RGS6: variants seen among roughly 807,000 people sequenced by gnomAD.
The protein encoded by RGS6 is regulator of G-protein signaling 6.
Under a neutral mutation model 78.5 loss-of-function variants are expected in RGS6, and 30 were observed. The observed-to-expected ratio is 0.38, with a 90% CI of 0.29 to 0.52. The LOEUF (loss-of-function observed/expected upper bound fraction) is 0.52. RGS6 is among the 20% of genes least tolerant of loss of function. The probability of loss-of-function intolerance (pLI) is 0.85; values close to 1 mark genes in which losing one functional copy is unlikely to be tolerated. For missense variants in RGS6, 495 were observed against 609.7 expected, an observed-to-expected ratio of 0.81 and a Z score of 1.98; for synonymous variants, 206 against 206.0, an observed-to-expected ratio of 1.00 and a Z score of 0.00.
the RGS6 span, among the ~76,000 whole-genome samples, chr14:72,578,254 T>A: frequency 2.0e-5 from 3 of 152,172 alleles, no homozygotes; most frequent in South Asian, 6.2e-4. Context: ...CATGTTCACA[T>A]CCTCCTCCTT....
At chr14:72,249,962 ACAT>A (rs2055217176) in intron 2 of RGS6, among the ~76,000 whole-genome samples, 1 of 151,776 alleles carries the variant, frequency 6.6e-6, no homozygotes, top group East Asian at 1.9e-4. Flanking sequence ...AAATTGGAAA[ACAT>A]CATTCTCAGT....
chr14:72,516,145 T>C (rs1598581043), intron 14 of RGS6, among the ~76,000 whole-genome samples: 1 of 152,220 alleles, frequency 6.6e-6, no homozygotes, highest in Non-Finnish European at 1.5e-5. Flanking sequence ...GGCTTCTTCC[T>C]ATAGAGCCAG....
At chr14:72,496,651 C>G (rs1052584037) in intron 13 of RGS6, among the ~76,000 whole-genome samples, 2 of 152,164 alleles carry the variant, frequency 1.3e-5, no homozygotes, top group Admixed American at 6.5e-5. Context: ...GTTGATTGGT[C>G]CTAGCCATAA....
intron 2 of RGS6, among the ~76,000 whole-genome samples, chr14:72,327,373 C>T (rs2074037555): frequency 6.6e-6 from 1 of 152,166 alleles, no homozygotes; most frequent in Non-Finnish European, 1.5e-5. Flanking sequence ...CTGGAAATTA[C>T]ATGTAATTGC....
intron 2 of RGS6, among the ~76,000 whole-genome samples, chr14:72,197,961 A>G (rs1198445665): frequency 6.6e-6 from 1 of 151,986 alleles, no homozygotes; most frequent in African/African-American, 2.4e-5. Flanking sequence ...TTTTCATATT[A>G]TATAATTTTT....
chr14:72,501,721 G>A (rs889540439), intron 13 of RGS6, among the ~76,000 whole-genome samples: 1 of 152,180 alleles, frequency 6.6e-6, no homozygotes, highest in Non-Finnish European at 1.5e-5. Flanking sequence ...ATGAAACCTG[G>A]TGTTGTCAGC....
At chr14:72,524,121 G>C (rs935756068) in intron 15 of RGS6, among the ~76,000 whole-genome samples, 2 of 152,182 alleles carry the variant, frequency 1.3e-5, no homozygotes, top group African/African-American at 4.8e-5. Context: ...AATGACTTTA[G>C]TACTCTCTGG....
intron 2 of RGS6, among the ~76,000 whole-genome samples, chr14:72,112,350 A>G (rs1216762024): frequency 6.6e-6 from 1 of 152,094 alleles, no homozygotes. Context: ...TAGGCTGCTA[A>G]GGTTTTAGGG....
chr14:72,316,637 T>G (rs2070317961), intron 2 of RGS6, among the ~76,000 whole-genome samples: 2 of 152,224 alleles, frequency 1.3e-5, no homozygotes, highest in Non-Finnish European at 2.9e-5. Flanking sequence ...AGTCTATCAT[T>G]GATGGACATT....
chr14:72,553,053 T>C (rs2097528291), intron 17 of RGS6, among the ~76,000 whole-genome samples: 1 of 152,204 alleles, frequency 6.6e-6, no homozygotes, highest in Non-Finnish European at 1.5e-5. Context: ...TATGCACATG[T>C]GCACAGGTGT....
chr14:72,589,392 A>T, the RGS6 span, among the ~76,000 whole-genome samples: 5 of 152,316 alleles, frequency 3.3e-5, no homozygotes, highest in Admixed American at 1.3e-4. Flanking sequence ...TCTACAAAAA[A>T]TACAAATATT....
chr14:72,013,429 A>T (rs112277480), intron 2 of RGS6, among the ~76,000 whole-genome samples: 19 of 152,296 alleles, frequency 1.2e-4, no homozygotes, highest in African/African-American at 4.6e-4. Flanking sequence ...ATGGTAGTTT[A>T]TAGGGATAGT....
the RGS6 span, among the ~76,000 whole-genome samples, chr14:71,869,118 CTT>C: frequency 1.3e-5 from 2 of 152,216 alleles, no homozygotes; most frequent in Non-Finnish European, 2.9e-5. Flanking sequence ...ACACCTAAGT[CTT>C]TGCCTCGAGC....
At chr14:72,470,648 T>A (rs8016596) in intron 8 of RGS6, among the ~76,000 whole-genome samples, 44 of 151,616 alleles carry the variant, frequency 2.9e-4, no homozygotes, top group African/African-American at 1.0e-3. Flanking sequence ...GAGACCGAGG[T>A]GGGGGTGGAT....
chr14:71,910,161 G>T, the RGS6 span, among the ~76,000 whole-genome samples: 1 of 152,048 alleles, frequency 6.6e-6, no homozygotes, highest in African/African-American at 2.4e-5. Context: ...CTGCACTCCA[G>T]CCTAGGCAAC....
intron 2 of RGS6, among the ~76,000 whole-genome samples, chr14:72,285,605 G>A (rs916965655): frequency 6.6e-6 from 1 of 152,114 alleles, no homozygotes; most frequent in Non-Finnish European, 1.5e-5. Flanking sequence ...GCTTTCCATA[G>A]CAGCTACAAC....
intron 8 of RGS6, among the ~76,000 whole-genome samples, chr14:72,471,409 G>A (rs1454453920): frequency 2.6e-5 from 4 of 152,210 alleles, no homozygotes. Context: ...AGGATGGTTA[G>A]TTAACAGGAG....
chr14:72,260,657 G>C (rs1412412810), intron 2 of RGS6, among the ~76,000 whole-genome samples: 1 of 152,148 alleles, frequency 6.6e-6, no homozygotes, highest in Non-Finnish European at 1.5e-5. Context: ...TAGAGATAGG[G>C]GTTATGGCAA....
Position 72,361,393 on chromosome 14 carries a change from C to T in RGS6, c.184+9199C>T, listed in dbSNP as rs181734077. Among the ~76,000 whole-genome samples the T allele has an allele frequency of 1.1e-4, 17 of 152,138 alleles. No homozygotes were observed. The East Asian group carries it at 3.3e-3, about 29-fold the overall frequency. ...CAAGAACATGAGATGGATGAGGAAC[C>T]ATGAAGAGTAGTAATTACCACAAAT... On this transcript the variant is annotated intron_variant, in intron 3 of 17. Transcript: ENST00000553525.
Sources: gnomAD v4.1 joint callset for allele counts (sites outside exome capture counted in the v4.1 genomes callset) on GRCh38, gnomAD v4.1.1 for gene constraint, MANE v1.5 for transcripts, NCBI Gene and HGNC (gene_info 2026-07-23, HGNC 2026-07-21) for gene names.